The following ETV4 variants were observed in gnomAD, a reference collection of about 807,000 sequenced individuals.
ETV4 encodes the protein ETS variant transcription factor 4.
A neutral mutation model predicts 65.9 loss-of-function variants in ETV4; 42 were observed. The ratio of observed to expected loss-of-function variants is 0.64; its 90% CI spans 0.50 to 0.82. The LOEUF (loss-of-function observed/expected upper bound fraction) is 0.82, where lower values mean the gene tolerates loss of function less well. Among genes scored for constraint, ETV4 ranks in the 40% least tolerant of loss-of-function variants. The pLI is 0.00. For synonymous variants in ETV4, 238 were observed against 260.0 expected (o/e 0.92, Z 0.81); for missense variants, 583 against 630.3 (o/e 0.92, Z 0.80).
chr17:43,529,843 G>T (rs766689856), intron 10 of ETV4, 41 bp downstream of exon 10: 1 of 1,609,122 alleles, frequency 6.2e-7, no homozygotes, highest in South Asian at 1.1e-5. Flanking sequence ...GACACAGCGT[G>T]ATAAGACCTT....
intron 4 of ETV4, among the ~76,000 whole-genome samples, chr17:43,543,305 C>T (rs1351495869): frequency 6.6e-6 from 1 of 151,536 alleles, no homozygotes; most frequent in East Asian, 1.9e-4. Flanking sequence ...CTCACACACA[C>T]ACTTGCTGTC....
chr17:43,533,942 C>G lies in ETV4; in HGVS notation c.300G>C (p.Gln100His). 3 of 1,549,650 alleles carry G rather than the reference C, an allele frequency of 1.9e-6. No homozygotes were observed. The highest frequency in any genetic ancestry group is 2.6e-6 in the Non-Finnish European group (3 of 1,158,122). Residue 100 changes from glutamine to histidine, a missense_variant, in exon 6 of 13, where the codon CAG becomes CAC. Transcript: ENST00000319349. ...SPTTRIKKEP[Q>H]SPRTDPALSC... ...ACAGGGCCGGGTCTGTGCGGGGACT[C>G]TGGGGCTCCTTCTTGATCCTGGTGG...
intron 5 of ETV4, among the ~76,000 whole-genome samples, chr17:43,535,018 CATT>C (rs1413102314): frequency 6.6e-6 from 1 of 152,216 alleles, no homozygotes; most frequent in African/African-American, 2.4e-5. Context: ...AGCTGACTAA[CATT>C]ATACACATGC....
Position 43,529,614 on chromosome 17 carries a change from C to A in ETV4, c.1018G>T (p.Ala340Ser). 6.2e-7 allele frequency: 1 copy of A among 1,614,132 alleles called. No individual in the cohort carries two copies. ...ACCAGAAATTGCCACAGCTGCAGGG[C>A]ACCCCGGCGCTGGTAGGGCGGCCCC... is the stretch of plus-strand genomic sequence containing the variant. Reference protein sequence around the residue: ...REGPPYQRRGALQLWQFLVAL... With the variant: ...REGPPYQRRGSLQLWQFLVAL... Residue 340 changes from alanine (A) to serine (S), a missense_variant, in exon 11 of 13, where the codon GCC becomes TCC. Physicochemically the swap from Ala to Ser is moderately conservative, Grantham distance 99. Coordinates refer to ENST00000319349, the MANE Select transcript of ETV4 (RefSeq NM_001079675.5).
rs55664499 is a variant in ETV4, at chr17:43,539,511, G to A, written c.203-3032C>T. Among the ~76,000 whole-genome samples, 1,057 of 152,286 alleles carry A rather than the reference G, an allele frequency of 6.9e-3. 16 individuals are homozygous for A. Among genetic ancestry groups the A allele is most frequent in the African/African-American group, 0.023 (964 of 41,564 alleles). Reference sequence around the variant, plus strand: ...GTTATCTACCTATCTCCTCCACCAGGAAGTTAAGCTCTGTGAGGGCAAGAG... The same window carrying A: ...GTTATCTACCTATCTCCTCCACCAGAAAGTTAAGCTCTGTGAGGGCAAGAG... On this transcript the variant is annotated intron_variant, in intron 4 of 12. Coordinates refer to ENST00000319349, the MANE Select transcript of ETV4 (RefSeq NM_001079675.5).
chr17:43,528,340 T>A lies in ETV4; in HGVS notation c.*179A>T. ...ACTCTAGACTTGCCATTTCTCCACT[T>A]TTCCTTCCCAATGACTCCGGTGAGC... is the stretch of plus-strand genomic sequence containing the variant. On this transcript the variant is annotated 3_prime_UTR_variant, in exon 13 of 13. Transcript: ENST00000319349. The A allele has an allele frequency of 1.9e-6, 1 of 528,494 alleles. No homozygotes were observed. The highest frequency in any genetic ancestry group is 3.1e-5 in the South Asian group (1 of 32,208). 32.7% of individuals were successfully genotyped at this position (528,494 alleles called of 1,614,324 possible).
rs769425014 is a variant in ETV4 at position 43,533,865 on chromosome 17, T to A, written c.377A>T (p.Tyr126Phe). The A allele has an allele frequency of 1.2e-6, 2 of 1,605,904 alleles. No homozygotes were observed. The highest frequency in any genetic ancestry group is 4.6e-5 in the East Asian group (2 of 43,932). The stretch of plus-strand genomic sequence containing the variant: ...GGTCCAGGCTGGGGCTCACCTGGAG[T>A]AAAGGCACTGCTCGCCATGGTGGTA... ...LPYHHGEQCL[Y>F]SSAYDPPRQI... is the part of the protein sequence containing the mutation. Residue 126 changes from tyrosine (Y) to phenylalanine (F), a missense_variant, in exon 6 of 13, where the codon TAC becomes TTC. Transcript: ENST00000319349.
At position 43,535,287 on chromosome 17, in the gene ETV4, G is replaced by T. The variant is rs578196503; in HGVS notation, c.256+1139C>A. Reference sequence around the variant, plus strand: ...AAGCAGGGTTTGTTTTTTGGTTTTTGTTTTTTTTGAGATGGAGCCTCGCTC... The same window carrying T: ...AAGCAGGGTTTGTTTTTTGGTTTTTTTTTTTTTTGAGATGGAGCCTCGCTC... On this transcript the variant is annotated intron_variant, in intron 5 of 12. Transcript: ENST00000319349. Among the ~76,000 whole-genome samples, 5 of 151,612 alleles carry T rather than the reference G, an allele frequency of 3.3e-5. No homozygotes were observed. The East Asian group carries it at 7.8e-4, about 24-fold the overall frequency.
At position 43,530,173 on chromosome 17, in the gene ETV4, C is replaced by A; in HGVS notation, c.820G>T (p.Gly274Trp). The change falls in exon 9 of 13, where the codon GGG (glycine) becomes TGG (tryptophan). Residue 274 changes from glycine to tryptophan, a missense_variant. Coordinates refer to ENST00000319349, the MANE Select transcript of ETV4 (RefSeq NM_001079675.5). ...TDFAYDSDVTGCASMYLHTEG... is the reference protein window; with the variant it reads ...TDFAYDSDVTWCASMYLHTEG... ...GTGTGGAGGTACATTGATGCGCACC[C>A]GGTGACATCTGTGGGGGAAGAAGGG... 1 of 1,555,654 alleles carries A rather than the reference C, an allele frequency of 6.4e-7. No homozygotes were observed. Among genetic ancestry groups the A allele is most frequent in the Non-Finnish European group, 8.7e-7 (1 of 1,148,958 alleles).
At chr17:43,528,785 C>A in intron 12 of ETV4, 42 bp from the exon 13 acceptor site, 1 of 1,566,842 alleles carries the variant, frequency 6.4e-7, no homozygotes, top group Non-Finnish European at 8.8e-7. Flanking sequence ...GCTAGCCGCC[C>A]AGCCTTTGTA....
Position 43,536,483 on chromosome 17 carries a change from C to G in ETV4, c.203-4G>C. On this transcript the variant is annotated splice_region_variant and splice_polypyrimidine_tract_variant and intron_variant, in intron 4 of 12. Coordinates refer to ENST00000319349, the MANE Select transcript of ETV4 (RefSeq NM_001079675.5). ...TCATCACTGTCTGGTACCTGAGCTG[C>G]AGAGAGAAGTCAGAGGTGAGTTTGG... 6.2e-7 allele frequency: 1 copy of G among 1,614,184 alleles called. No homozygotes were observed.
chr17:43,528,465 TTA>T lies in ETV4; in HGVS notation c.*52_*53del. The T allele has an allele frequency of 8.1e-7, 1 of 1,229,102 alleles. No homozygotes were observed. 76.1% of individuals were successfully genotyped at this position (1,229,102 alleles called of 1,614,324 possible). On this transcript the variant is annotated 3_prime_UTR_variant, in exon 13 of 13. Coordinates refer to ENST00000319349, the MANE Select transcript of ETV4 (RefSeq NM_001079675.5). Reference sequence around the variant, plus strand: ...AAGGTTTCCCCAACACCAGATTCATTTATATGTACACAGGGCAGCACCCACCT... The same window carrying T: ...AAGGTTTCCCCAACACCAGATTCATTTATGTACACAGGGCAGCACCCACCT...
chr17:43,529,259 G>A lies in ETV4; in HGVS notation c.1129-23C>T, dbSNP rs761769290. ...GACCTGGGAACAAAACAGTTTTGGGGTAGAGATGCTACCTTGGCAGAGGAA... is the reference window on the plus strand; with the variant it reads ...GACCTGGGAACAAAACAGTTTTGGGATAGAGATGCTACCTTGGCAGAGGAA... On this transcript the variant is annotated intron_variant, in intron 11 of 12. Transcript: ENST00000319349. The A allele has an allele frequency of 3.1e-6, 5 of 1,610,802 alleles. No individual in the cohort carries two copies. The South Asian group carries it at 4.4e-5, about 14-fold the overall frequency.
At position 43,533,993 on chromosome 17, in the gene ETV4, G is replaced by A; in HGVS notation, c.257-8C>T. 1.3e-6 allele frequency: 2 copies of A among 1,523,836 alleles called. No homozygotes were observed. The highest frequency in any genetic ancestry group is 2.9e-5 in the African/African-American group (2 of 68,974). 94.4% of individuals were successfully genotyped at this position (1,523,836 alleles called of 1,614,324 possible). A position where few individuals can be genotyped will look rare whatever the true frequency, so the allele number is the denominator to read the frequency against. ...TGGGGCTGTGGAAAGCTACTGTGGGGGTGGAGGGGACAGAGCAAGGCCAGA... is the reference window on the plus strand; with the variant it reads ...TGGGGCTGTGGAAAGCTACTGTGGGAGTGGAGGGGACAGAGCAAGGCCAGA... On this transcript the variant is annotated splice_polypyrimidine_tract_variant and splice_region_variant and intron_variant, in intron 5 of 12. Coordinates refer to ENST00000319349, the MANE Select transcript of ETV4 (RefSeq NM_001079675.5).
At chr17:43,543,800 G>A (rs1018867971) in intron 4 of ETV4, 1 of 152,202 alleles carries the variant, frequency 6.6e-6, no homozygotes, top group African/African-American at 2.4e-5. Context: ...TCCACAAAAT[G>A]TCTTGAGTGC....
rs1971808506 is a variant in ETV4, at chr17:43,546,025, T to A, written c.-52+160A>T. The A allele has an allele frequency of 1.3e-5, 3 of 228,078 alleles. No individual in the cohort carries two copies. The South Asian group carries it at 1.8e-4, about 13-fold the overall frequency. The allele number at this position is 228,078 out of a possible 1,614,324, so 14.1% of individuals were successfully genotyped here. On this transcript the variant is annotated intron_variant, in intron 1 of 12. Transcript: ENST00000319349. The stretch of plus-strand genomic sequence containing the variant: ...AGCAGGCGAAGCGCACACCATCGCA[T>A]GCCCACAACTCCCGCGCCCCCTCCA...
chr17:43,539,156 A>G (rs1276872570), intron 4 of ETV4, among the ~76,000 whole-genome samples: 1 of 152,128 alleles, frequency 6.6e-6, no homozygotes, highest in Admixed American at 6.5e-5. Flanking sequence ...ATGAAATCCA[A>G]ACGCTTGCCC....
chr17:43,530,179 C>T lies in ETV4; in HGVS notation c.814G>A (p.Val272Ile), dbSNP rs1172726613. The change falls in exon 9 of 13, where the codon GTC (valine) becomes ATC (isoleucine). Residue 272 changes from valine (V) to isoleucine (I), a missense_variant and splice_region_variant. Coordinates refer to ENST00000319349, the MANE Select transcript of ETV4 (RefSeq NM_001079675.5). ...AGGTACATTGATGCGCACCCGGTGA[C>T]ATCTGTGGGGGAAGAAGGGGTGATG... is the stretch of plus-strand genomic sequence containing the variant. ...EQTDFAYDSD[V>I]TGCASMYLHT... The T allele has an allele frequency of 6.4e-7, 1 of 1,554,682 alleles. No homozygotes were observed. Among genetic ancestry groups the T allele is most frequent in the Non-Finnish European group, 8.7e-7 (1 of 1,148,470 alleles).
At chr17:43,534,335 CA>C (rs1207008778) in intron 5 of ETV4, among the ~76,000 whole-genome samples, 6 of 149,686 alleles carry the variant, frequency 4.0e-5, no homozygotes, top group Non-Finnish European at 5.9e-5. Context: ...ACTAAAAATA[CA>C]AAAAAAAATT....
Sources: gnomAD v4.1 joint callset for allele counts (sites outside exome capture counted in the v4.1 genomes callset) on GRCh38, gnomAD v4.1.1 for gene constraint, MANE v1.5 for transcripts, NCBI Gene and HGNC (gene_info 2026-07-23, HGNC 2026-07-21) for gene names.